Variants in ASAH1 observed in about 807,000 individuals in gnomAD.
ASAH1 encodes acid ceramidase.
In ASAH1, 70 loss-of-function variants were observed where a neutral mutation model predicts 59.5. The observed-to-expected ratio is 1.18, with a 90% CI of 0.97 to 1.43. The LOEUF (loss-of-function observed/expected upper bound fraction) is 1.43, where lower values mean the gene tolerates loss of function less well. Ranked by LOEUF, ASAH1 falls within the 40% of genes most tolerant of loss-of-function variation. The pLI is 0.00. For synonymous variants in ASAH1, 213 were observed against 166.5 expected (o/e 1.28, Z -2.15); for missense variants, 660 against 482.5 (o/e 1.37, Z -3.45).
At chr8:18,070,880 C>T (rs1056631876) in intron 3 of ASAH1, among the ~76,000 whole-genome samples, 1 of 152,114 alleles carries the variant, frequency 6.6e-6, no homozygotes, top group Admixed American at 6.5e-5. Context: ...AATATAGAAT[C>T]TCCACGGTCC....
Position 18,078,576 on chromosome 8 carries a change from C to G in ASAH1, c.79-2989G>C, listed in dbSNP as rs76530878. ...GGTGGAAAAAAGAGCTACTTCCTCC[C>G]CCTCAAAAAAGAATTCTACAGGGAG... On this transcript the variant is annotated intron_variant, in intron 1 of 13. Coordinates refer to ENST00000637790, the MANE Select transcript of ASAH1 (RefSeq NM_177924.5). Among the ~76,000 whole-genome samples, 231 of 152,142 alleles carry G rather than the reference C, an allele frequency of 1.5e-3. 5 individuals carry two copies. In the East Asian group the frequency reaches 0.038, roughly 25 times the overall value.
intron 3 of ASAH1, among the ~76,000 whole-genome samples, chr8:18,071,010 T>A (rs1477877231): frequency 6.6e-6 from 1 of 151,892 alleles, no homozygotes; most frequent in Admixed American, 6.6e-5. Flanking sequence ...GAGTTTGAGA[T>A]CAGCTTGGAC....
At chr8:18,062,584 A>G in intron 7 of ASAH1, 161 bp from the exon 8 acceptor site, 1 of 798,832 alleles carries the variant, frequency 1.3e-6, no homozygotes, top group Non-Finnish European at 2.0e-6. Context: ...CTGTTTTCCA[A>G]ATGATAAAAT....
chr8:18,064,582 G>T, intron 5 of ASAH1, 51 bp from the exon 6 acceptor site: 1 of 1,061,188 alleles, frequency 9.4e-7, no homozygotes, highest in Non-Finnish European at 1.4e-6. Context: ...GACAATGGGA[G>T]AAAAATTTGT....
chr8:18,084,225 C>A (rs1453699665), upstream of ASAH1: 7 of 1,484,334 alleles, frequency 4.7e-6, no homozygotes, highest in African/African-American at 9.8e-5. Flanking sequence ...GAGGAGAGGA[C>A]GGGGCTTTTC....
At chr8:18,084,428 C>T (rs911456870), upstream of ASAH1, 19 of 1,376,420 alleles carry the variant, frequency 1.4e-5, no homozygotes, top group South Asian at 1.4e-4. Flanking sequence ...CGATGGGGCG[C>T]CTCTAGCAGG....
At chr8:18,070,012 G>A (rs1800095649) in intron 3 of ASAH1, 134 bp from the exon 4 acceptor site, 4 of 561,110 alleles carry the variant, frequency 7.1e-6, no homozygotes, top group East Asian at 3.4e-5. Flanking sequence ...ACAGCATCTC[G>A]CTCTGTCACC....
chr8:18,079,234 C>T (rs1305929911), intron 1 of ASAH1, among the ~76,000 whole-genome samples: 3 of 143,418 alleles, frequency 2.1e-5, no homozygotes, highest in African/African-American at 7.7e-5. Flanking sequence ...GATAGTGTGA[C>T]TGCACTCCAG....
intron 2 of ASAH1, among the ~76,000 whole-genome samples, chr8:18,074,569 A>G (rs1335323319): frequency 1.3e-5 from 2 of 152,188 alleles, no homozygotes; most frequent in Non-Finnish European, 2.9e-5. Context: ...ACTTTCAGCG[A>G]AAGGGCAGTG....
chr8:18,062,134 T>C (rs1013962838), intron 8 of ASAH1, 145 bp downstream of exon 8: 4 of 1,082,494 alleles, frequency 3.7e-6, no homozygotes, highest in Non-Finnish European at 4.1e-6. Flanking sequence ...CGAGATCTCA[T>C]ACCTATGAAG....
intron 8 of ASAH1, 62 bp from the exon 9 acceptor site, chr8:18,061,802 C>T: frequency 2.8e-6 from 4 of 1,441,972 alleles, no homozygotes; most frequent in Non-Finnish European, 3.8e-6. Flanking sequence ...GGCCCTGTCG[C>T]TCACTGTACT....
At chr8:18,076,015 A>T (rs550095688) in intron 1 of ASAH1, 1 of 263,422 alleles carries the variant, frequency 3.8e-6, no homozygotes, top group Admixed American at 5.1e-5. Flanking sequence ...GGCACACAGC[A>T]CAGGGCCCTT....
chr8:18,063,197 C>G lies in ASAH1; in HGVS notation c.491G>C (p.Gly164Ala). Residue 164 changes from glycine to alanine, a missense_variant, in exon 7 of 14, where the codon GGA (glycine) becomes GCA (alanine). By Grantham distance (60) the Gly-to-Ala change is moderately conservative. Transcript: ENST00000637790. ...GTTCTTTACTTACCCAAGAAATACT[C>G]CAAAATCCATGTTTCTCCCATGTAT... ...HLIHGRNMDF[G>A]VFLGWNINND... 6.2e-7 allele frequency: 1 copy of G among 1,613,896 alleles called. No individual in the cohort carries two copies. Among genetic ancestry groups the G allele is most frequent in the Non-Finnish European group, 8.5e-7 (1 of 1,179,862 alleles).
At chr8:18,067,079 G>T in intron 5 of ASAH1, 141 bp downstream of exon 5, 8 of 199,898 alleles carry the variant, frequency 4.0e-5, no homozygotes, top group Non-Finnish European at 8.0e-5. Flanking sequence ...AAGCTTCACT[G>T]AGCTGTATAT....
chr8:18,068,609 T>A (rs1800031061), intron 4 of ASAH1: 2 of 152,256 alleles, frequency 1.3e-5, no homozygotes, highest in African/African-American at 4.8e-5. Flanking sequence ...CATTTTTGGT[T>A]GTCACAACTG....
chr8:18,062,939 C>A lies in ASAH1; in HGVS notation c.503+246G>T. ...AAGCTGCAGTGCAGTGGCGCGATCT[C>A]GGCTCACTGCAACCTCCGCCTCGCA... On this transcript the variant is annotated intron_variant, in intron 7 of 13. Transcript: ENST00000637790. The A allele has an allele frequency of 6.9e-6, 3 of 437,738 alleles. No individual in the cohort carries two copies. In the South Asian group the frequency reaches 6.9e-5, roughly 10 times the overall value. The allele number at this position is 437,738 out of a possible 1,614,324, so 27.1% of individuals were successfully genotyped here. A position where few individuals can be genotyped will look rare whatever the true frequency, so the allele number is the denominator to read the frequency against.
chr8:18,081,384 G>A (rs1800646742), intron 1 of ASAH1, among the ~76,000 whole-genome samples: 1 of 152,106 alleles, frequency 6.6e-6, no homozygotes. Flanking sequence ...CTCCAATCCA[G>A]ACTCATCTTT....
chr8:18,061,476 A>G lies in ASAH1; in HGVS notation c.704-18T>C. The G allele has an allele frequency of 6.3e-7, 1 of 1,599,770 alleles. No homozygotes were observed. On this transcript the variant is annotated intron_variant, in intron 9 of 13. Transcript: ENST00000637790. ...TAGAATACCTGGAAGAGATGAACACAATGTCAGGAACCGGAAGAGGTGACA... is the reference window on the plus strand; with the variant it reads ...TAGAATACCTGGAAGAGATGAACACGATGTCAGGAACCGGAAGAGGTGACA...
At chr8:18,068,650 G>A (rs979114553) in intron 4 of ASAH1, 1 of 152,200 alleles carries the variant, frequency 6.6e-6, no homozygotes, top group Non-Finnish European at 1.5e-5. Flanking sequence ...AGTGGGTAAG[G>A]GCCAGGGACA....
Sources: gnomAD v4.1 joint callset for allele counts (sites outside exome capture counted in the v4.1 genomes callset) on GRCh38, gnomAD v4.1.1 for gene constraint, MANE v1.5 for transcripts, NCBI Gene and HGNC (gene_info 2026-07-23, HGNC 2026-07-21) for gene names.